UQCRB: variants seen among roughly 807,000 people sequenced by gnomAD.
UQCRB encodes cytochrome b-c1 complex subunit 7.
A neutral mutation model predicts 19.8 loss-of-function variants in UQCRB; 12 were observed. The observed-to-expected ratio is 0.61, with a 90% CI of 0.39 to 0.98. The LOEUF (loss-of-function observed/expected upper bound fraction) is 0.98, where lower values mean the gene tolerates loss of function less well. UQCRB is among the 50% of genes least tolerant of loss of function. The probability of loss-of-function intolerance (pLI) is 0.00; values close to 1 mark genes in which losing one functional copy is unlikely to be tolerated. For synonymous variants in UQCRB, 39 were observed against 42.9 expected (o/e 0.91, Z 0.35); for missense variants, 142 against 131.8 (o/e 1.08, Z -0.38).
In UQCRB at chr8:96,225,171, A is replaced by T. The variant is rs1484489929; in HGVS notation, c.*5884T>A. On this transcript the variant is annotated 3_prime_UTR_variant, in exon 4 of 4. Coordinates refer to ENST00000287022, the MANE Select transcript of UQCRB (RefSeq NM_006294.5). Reference sequence around the variant, plus strand: ...TTAAAAATAGGCCCATAGGTGAAGGACATGAACAAGATTGATGAAAGAGAA... The same window carrying T: ...TTAAAAATAGGCCCATAGGTGAAGGTCATGAACAAGATTGATGAAAGAGAA... Among the ~76,000 whole-genome samples the T allele has an allele frequency of 6.6e-6, 1 of 152,142 alleles. No homozygotes were observed. The highest frequency in any genetic ancestry group is 1.5e-5 in the Non-Finnish European group (1 of 68,036).
In UQCRB at chr8:96,228,058, GCTTC is replaced by G; in HGVS notation, c.*2993_*2996del. 1 of 454,064 alleles carries G rather than the reference GCTTC, an allele frequency of 2.2e-6. No homozygotes were observed. The highest frequency in any genetic ancestry group is 4.4e-6 in the Non-Finnish European group (1 of 226,790). The allele number at this position is 454,064 out of a possible 1,614,324, so 28.1% of individuals were successfully genotyped here. On this transcript the variant is annotated 3_prime_UTR_variant, in exon 4 of 4. Transcript: ENST00000287022. The stretch of plus-strand genomic sequence containing the variant: ...CTGAAGGCCCGACATCCCTTACGCT[GCTTC>G]CTACATCTTGACAACAGGAAGGCCA...
At chr8:96,235,038 G>A (rs1809774054) in intron 1 of UQCRB, 6 of 259,334 alleles carry the variant, frequency 2.3e-5, no homozygotes, top group South Asian at 2.0e-4. Context: ...TACTTCCTTG[G>A]GTCACTTTGC....
At position 96,229,962 on chromosome 8, in the gene UQCRB, G is replaced by C. The variant is rs1163056364; in HGVS notation, c.*1093C>G. 2.2e-6 allele frequency: 1 copy of C among 454,100 alleles called. No homozygotes were observed. Among genetic ancestry groups the C allele is most frequent in the Non-Finnish European group, 4.4e-6 (1 of 226,798 alleles). The allele number at this position is 454,100 out of a possible 1,614,324, so 28.1% of individuals were successfully genotyped here. Reference sequence around the variant, plus strand: ...CCACACACAGCAATGACTTGTCCTGGAAAACCAGGGAGGCTGCAGGTCCTA... The same window carrying C: ...CCACACACAGCAATGACTTGTCCTGCAAAACCAGGGAGGCTGCAGGTCCTA... On this transcript the variant is annotated 3_prime_UTR_variant, in exon 4 of 4. Coordinates refer to ENST00000287022, the MANE Select transcript of UQCRB (RefSeq NM_006294.5).
Position 96,235,203 on chromosome 8 carries a change from G to A in UQCRB, c.19+309C>T, listed in dbSNP as rs1161279748. 5 of 544,134 alleles carry A rather than the reference G, an allele frequency of 9.2e-6. No homozygotes were observed. The Admixed American group carries it at 9.4e-5, about 10-fold the overall frequency. The allele number at this position is 544,134 out of a possible 1,614,324, so 33.7% of individuals were successfully genotyped here. ...AGTCATCCACTAGTTATCCTCTTGT[G>A]CCCTTTAACTTTTCTAAGGCCAAGG... On this transcript the variant is annotated intron_variant, in intron 1 of 3. Coordinates refer to ENST00000287022, the MANE Select transcript of UQCRB (RefSeq NM_006294.5).
chr8:96,230,790 C>T lies in UQCRB; in HGVS notation c.*265G>A, dbSNP rs774726176. On this transcript the variant is annotated 3_prime_UTR_variant, in exon 4 of 4. Coordinates refer to ENST00000287022, the MANE Select transcript of UQCRB (RefSeq NM_006294.5). ...TTCCATAAACTGATAGGCTATCCAA[C>T]CAGTGAGGAAAACTGATAAAGTGGC... is the stretch of plus-strand genomic sequence containing the variant. 12 of 606,774 alleles carry T rather than the reference C, an allele frequency of 2.0e-5. 1 individual carries two copies. The highest frequency in any genetic ancestry group is 4.4e-4 in the Middle Eastern group (1 of 2,288). The allele number at this position is 606,774 out of a possible 1,614,324, so 37.6% of individuals were successfully genotyped here.
rs1244347447 is a variant in UQCRB at position 96,228,136 on chromosome 8, G to GC, written c.*2918_*2919insG. 4.4e-6 allele frequency: 2 copies of GC among 454,092 alleles called. No homozygotes were observed. Among genetic ancestry groups the GC allele is most frequent in the Non-Finnish European group, 8.8e-6 (2 of 226,788 alleles). The allele number at this position is 454,092 out of a possible 1,614,324, so 28.1% of individuals were successfully genotyped here. On this transcript the variant is annotated 3_prime_UTR_variant, in exon 4 of 4. Transcript: ENST00000287022. The stretch of plus-strand genomic sequence containing the variant: ...AACAGTGAACATAAGCCAGCCATCT[G>GC]TTTTTTTGCAAAGTATAGTAAAACA...
intron 2 of UQCRB, 46 bp downstream of exon 2, chr8:96,233,110 G>T: frequency 7.9e-6 from 12 of 1,519,866 alleles, no homozygotes; most frequent in South Asian, 2.4e-5. Flanking sequence ...AAAAAACAAA[G>T]AAACAACAAC....
Position 96,227,884 on chromosome 8 carries a change from G to C in UQCRB, c.*3171C>G. 2.2e-6 allele frequency: 1 copy of C among 454,108 alleles called. No individual in the cohort carries two copies. Among genetic ancestry groups the C allele is most frequent in the Non-Finnish European group, 4.4e-6 (1 of 226,788 alleles). The allele number at this position is 454,108 out of a possible 1,614,324, so 28.1% of individuals were successfully genotyped here. On this transcript the variant is annotated 3_prime_UTR_variant, in exon 4 of 4. Coordinates refer to ENST00000287022, the MANE Select transcript of UQCRB (RefSeq NM_006294.5). ...ATTCTAGAATTTAAAAACAGGAAAA[G>C]GTGCCATTAGTAAAAACTCCATCAC...
At position 96,231,854 on chromosome 8, in the gene UQCRB, T is replaced by A. The variant is rs145974195; in HGVS notation, c.178A>T (p.Met60Leu). 4.2e-5 allele frequency: 68 copies of A among 1,614,160 alleles called. No individual in the cohort carries two copies. The Admixed American group carries it at 1.1e-3, about 26-fold the overall frequency. The change falls in exon 3 of 4, where the codon ATG becomes TTG. Residue 60 changes from methionine to leucine, a missense_variant. Around this residue, in one of 2 missense-constraint regions of UQCRB, gnomAD observed 132 missense variants for 107.5 expected, o/e 1.23. Coordinates refer to ENST00000287022, the MANE Select transcript of UQCRB (RefSeq NM_006294.5). ...RLPENLYNDR[M>L]FRIKRALDLN... The stretch of plus-strand genomic sequence containing the variant: ...TCCAGTGCCCTCTTAATGCGAAACA[T>A]CCTGTCATTATAAAGGTTCTCAGGA...
chr8:96,234,395 G>T, intron 1 of UQCRB: 1 of 710,998 alleles, frequency 1.4e-6, no homozygotes, highest in Non-Finnish European at 2.1e-6. Flanking sequence ...TTACATGTCT[G>T]TTACTACAGA....
In UQCRB at chr8:96,228,256, A is replaced by G. The variant is rs1185962434; in HGVS notation, c.*2799T>C. ...ATTCAAAACCAATCTCAAACTTTAA[A>G]CAACAAAAGATATCAAACATTTTAA... On this transcript the variant is annotated 3_prime_UTR_variant, in exon 4 of 4. Coordinates refer to ENST00000287022, the MANE Select transcript of UQCRB (RefSeq NM_006294.5). 1 of 454,094 alleles carries G rather than the reference A, an allele frequency of 2.2e-6. No individual in the cohort carries two copies. Among genetic ancestry groups the G allele is most frequent in the South Asian group, 1.6e-5 (1 of 64,478 alleles). The allele number at this position is 454,094 out of a possible 1,614,324, so 28.1% of individuals were successfully genotyped here. A position where few individuals can be genotyped will look rare whatever the true frequency, so the allele number is the denominator to read the frequency against.
rs1809519197 is a variant in UQCRB, at chr8:96,226,027, A to T, written c.*5028T>A. ...TGGTACCTATCGTGTAGAAGCCAGG[A>T]TGCTGCTAAATATCCTGTAACACAC... On this transcript the variant is annotated 3_prime_UTR_variant, in exon 4 of 4. Transcript: ENST00000287022. The T allele has an allele frequency of 6.6e-6, 1 of 152,132 alleles. No homozygotes were observed. The highest frequency in any genetic ancestry group is 1.5e-5 in the Non-Finnish European group (1 of 68,034). 9.4% of individuals were successfully genotyped at this position (152,132 alleles called of 1,614,324 possible). A position where few individuals can be genotyped will look rare whatever the true frequency, so the allele number is the denominator to read the frequency against.
Position 96,231,808 on chromosome 8 carries a change from A to G in UQCRB, c.224T>C (p.Ile75Thr), listed in dbSNP as rs765910006. The G allele has an allele frequency of 6.2e-7, 1 of 1,614,156 alleles. No homozygotes were observed. Among genetic ancestry groups the G allele is most frequent in the Non-Finnish European group, 8.5e-7 (1 of 1,180,028 alleles). The change falls in exon 3 of 4, where the codon ATC becomes ACC. Residue 75 changes from isoleucine to threonine, a missense_variant. Coordinates refer to ENST00000287022, the MANE Select transcript of UQCRB (RefSeq NM_006294.5). Reference sequence around the variant, plus strand: ...TTTGGTCCACTGCTCTTTAGGCAAGATCTGATGCTTCAAGTTCAGGTCCAG... The same window carrying G: ...TTTGGTCCACTGCTCTTTAGGCAAGGTCTGATGCTTCAAGTTCAGGTCCAG... ...RALDLNLKHQ[I>T]LPKEQWTKYE...
chr8:96,224,066 G>T lies in UQCRB; in HGVS notation c.*6989C>A, dbSNP rs536353936. Among the ~76,000 whole-genome samples the T allele has an allele frequency of 6.6e-6, 1 of 152,192 alleles. No individual in the cohort carries two copies. Among genetic ancestry groups the T allele is most frequent in the Non-Finnish European group, 1.5e-5 (1 of 68,048 alleles). ...GACCACAAACCAGTTCCAAGTAGCA[G>T]CACTTGGTGCTCTCATGGGGCAACC... On this transcript the variant is annotated 3_prime_UTR_variant, in exon 4 of 4. Transcript: ENST00000287022.
chr8:96,223,632 T>C lies in UQCRB; in HGVS notation c.*7423A>G, dbSNP rs2129762748. 8.1e-6 allele frequency among the ~76,000 whole-genome samples: 1 copy of C among 124,206 alleles called. No homozygotes were observed. The highest frequency in any genetic ancestry group is 7.5e-5 in the Admixed American group (1 of 13,348). The allele number at this position is 124,206 out of a possible 152,430, so 81.5% of individuals were successfully genotyped here. A position where few individuals can be genotyped will look rare whatever the true frequency, so the allele number is the denominator to read the frequency against. ...GCAGAATTTAATTTTTGTCTTAAAG[T>C]AAAGCTAGAATTTAGACAGAGTATG... On this transcript the variant is annotated 3_prime_UTR_variant, in exon 4 of 4. Transcript: ENST00000287022.
intron 1 of UQCRB, chr8:96,233,511 T>A (rs1232910289): frequency 2.5e-6 from 1 of 396,312 alleles, no homozygotes; most frequent in Non-Finnish European, 4.6e-6. Context: ...AAGGGTAAAC[T>A]CAAACACTGA....
At position 96,231,736 on chromosome 8, in the gene UQCRB, T is replaced by C. The variant is rs771101419; in HGVS notation, c.258+38A>G. Reference sequence around the variant, plus strand: ...TCTCTTGTTTCTAAAACTCCATCCTTAATGAGCAACACTGTCAGGTAGATA... The same window carrying C: ...TCTCTTGTTTCTAAAACTCCATCCTCAATGAGCAACACTGTCAGGTAGATA... On this transcript the variant is annotated intron_variant, in intron 3 of 3. Transcript: ENST00000287022. 9.3e-6 allele frequency: 15 copies of C among 1,613,450 alleles called. No homozygotes were observed. The East Asian group carries it at 2.9e-4, about 31-fold the overall frequency.
rs535073837 is a variant in UQCRB at position 96,230,614 on chromosome 8, A to T, written c.*441T>A. ...AGTATGCCTATGTTGGGGTGCAGAC[A>T]TAATTTCTTTTTAAATGATAGGATG... On this transcript the variant is annotated 3_prime_UTR_variant, in exon 4 of 4. Transcript: ENST00000287022. The T allele has an allele frequency of 8.8e-6, 4 of 455,602 alleles. No homozygotes were observed. Among genetic ancestry groups the T allele is most frequent in the African/African-American group, 2.0e-5 (1 of 50,084 alleles). The allele number at this position is 455,602 out of a possible 1,614,324, so 28.2% of individuals were successfully genotyped here. A position where few individuals can be genotyped will look rare whatever the true frequency, so the allele number is the denominator to read the frequency against.
At chr8:96,235,384 G>T in intron 1 of UQCRB, 128 bp downstream of exon 1, 2 of 1,358,954 alleles carry the variant, frequency 1.5e-6, no homozygotes, top group Non-Finnish European at 2.1e-6. Context: ...TCACTGGACT[G>T]AAGCAGCCAA....
Sources: gnomAD v4.1 joint callset for allele counts (sites outside exome capture counted in the v4.1 genomes callset) on GRCh38, gnomAD v4.1.1 for gene constraint, gnomAD v4.1.1 regional missense constraint, MANE v1.5 for transcripts, NCBI Gene and HGNC (gene_info 2026-07-23, HGNC 2026-07-21) for gene names.